Variants in PCDHGB1 observed in about 807,000 individuals in gnomAD.
PCDHGB1 encodes protocadherin gamma subfamily B, 1.
PCDHGB1 carries 34 observed loss-of-function variants against 56.6 expected under a neutral mutation model. The ratio of observed to expected loss-of-function variants is 0.60; its 90% CI spans 0.46 to 0.80. The LOEUF is 0.80. Among genes scored for constraint, PCDHGB1 ranks in the 30% least tolerant of loss-of-function variants. The pLI is 0.00. For synonymous variants in PCDHGB1, 561 were observed against 505.9 expected, an observed-to-expected ratio of 1.11 and a Z score of -1.46; for missense variants, 1,278 against 1,204.6, an observed-to-expected ratio of 1.06 and a Z score of -0.90.
chr5:141,494,894 C>A, intron 2 of PCDHGB1, 29 bp downstream of exon 2: 1 of 1,614,116 alleles, frequency 6.2e-7, no homozygotes, highest in South Asian at 1.1e-5. Flanking sequence ...AGCCCACCCT[C>A]TTCTCTGCGG....
chr5:141,388,793 T>C, intron 1 of PCDHGB1: 1 of 1,613,918 alleles, frequency 6.2e-7, no homozygotes, highest in South Asian at 1.1e-5. Flanking sequence ...CTGTTTTAAA[T>C]ACATTAGATT....
In PCDHGB1 at chr5:141,352,010, G is replaced by A. The variant is rs1485029787; in HGVS notation, c.1750G>A (p.Val584Met). ...ACGCGCCGCAGAGCCCGGCTACCTGGTGACCAAGGTGGTGGCGGTGGACGC... is the reference window on the plus strand; with the variant it reads ...ACGCGCCGCAGAGCCCGGCTACCTGATGACCAAGGTGGTGGCGGTGGACGC... Reference protein sequence around the residue: ...VPRAAEPGYLVTKVVAVDADS... With the variant: ...VPRAAEPGYLMTKVVAVDADS... The change falls in exon 1 of 4, where the codon GTG becomes ATG. Residue 584 changes from valine to methionine, a missense_variant. Val to Met is a conservative substitution (Grantham distance 21, BLOSUM62 1). Coordinates refer to ENST00000523390, the MANE Select transcript of PCDHGB1 (RefSeq NM_018922.3). 3 of 1,610,096 alleles carry A rather than the reference G, an allele frequency of 1.9e-6. No homozygotes were observed. The highest frequency in any genetic ancestry group is 2.7e-5 in the African/African-American group (2 of 74,886).
At chr5:141,481,656 A>G (rs1425280340) in intron 1 of PCDHGB1, among the ~76,000 whole-genome samples, 1 of 152,084 alleles carries the variant, frequency 6.6e-6, no homozygotes, top group Non-Finnish European at 1.5e-5. Context: ...CATCTCTACT[A>G]ATAATACAAA....
At chr5:141,364,185 C>G (rs2149854630) in intron 1 of PCDHGB1, 1 of 992,250 alleles carries the variant, frequency 1.0e-6, no homozygotes, top group East Asian at 2.8e-5. Flanking sequence ...TCCCTCCATA[C>G]TAAACACACA....
intron 1 of PCDHGB1, among the ~76,000 whole-genome samples, chr5:141,446,280 A>G (rs1011084291): frequency 2.6e-5 from 4 of 152,162 alleles, no homozygotes; most frequent in South Asian, 2.1e-4. Context: ...AATACAATGG[A>G]TAAATGGGGA....
chr5:141,490,103 C>T lies in PCDHGB1; in HGVS notation c.2410-4704C>T, dbSNP rs1012215533. ...TCTTTTGGAGACCACACATCTGAGG[C>T]AGTGCGGAACCTCTTTGGCCTAGAC... On this transcript the variant is annotated intron_variant, in intron 1 of 3. Coordinates refer to ENST00000523390, the MANE Select transcript of PCDHGB1 (RefSeq NM_018922.3). The surrounding 1 kb of genome is among the most constrained non-coding windows in gnomAD (Gnocchi z 5.4). The T allele has an allele frequency of 6.2e-7, 1 of 1,614,122 alleles. No homozygotes were observed. The highest frequency in any genetic ancestry group is 1.3e-5 in the African/African-American group (1 of 74,954).
chr5:141,483,472 T>C (rs1457039859), intron 1 of PCDHGB1, among the ~76,000 whole-genome samples: 2 of 152,076 alleles, frequency 1.3e-5, no homozygotes, highest in Non-Finnish European at 2.9e-5. Flanking sequence ...TGACATGATA[T>C]AGGAAGTGAG....
chr5:141,478,660 T>C, intron 1 of PCDHGB1: 2 of 1,551,848 alleles, frequency 1.3e-6, no homozygotes, highest in Non-Finnish European at 1.7e-6. Flanking sequence ...TGGTGATGCA[T>C]TCACACTTTC....
At position 141,477,386 on chromosome 5, in the gene PCDHGB1, A is replaced by C; in HGVS notation, c.2410-17421A>C. 1 of 1,614,116 alleles carries C rather than the reference A, an allele frequency of 6.2e-7. No homozygotes were observed. Among genetic ancestry groups the C allele is most frequent in the South Asian group, 1.1e-5 (1 of 91,080 alleles). On this transcript the variant is annotated intron_variant, in intron 1 of 3. Coordinates refer to ENST00000523390, the MANE Select transcript of PCDHGB1 (RefSeq NM_018922.3). The surrounding 1 kb of genome is among the most constrained non-coding windows in gnomAD (Gnocchi z 4.9). ...GGATCGGGAGACTGTGCCAGAATAC[A>C]ACCTCAGCATCACCGCCCGAGACGC...
chr5:141,385,483 A>T (rs981503954), intron 1 of PCDHGB1: 8 of 1,423,220 alleles, frequency 5.6e-6, no homozygotes, highest in Non-Finnish European at 7.3e-6. Context: ...TTAATATAGA[A>T]CACATAGGAT....
chr5:141,473,756 A>G (rs2099328139), intron 1 of PCDHGB1, among the ~76,000 whole-genome samples: 1 of 152,228 alleles, frequency 6.6e-6, no homozygotes, highest in African/African-American at 2.4e-5. Context: ...CTTGGATACT[A>G]TGCAAAGGAT....
chr5:141,357,661 T>C, intron 1 of PCDHGB1: 5 of 1,605,092 alleles, frequency 3.1e-6, no homozygotes, highest in Non-Finnish European at 4.3e-6. Flanking sequence ...CACTGAAATA[T>C]AGACAAAGAG....
rs534377172 is a variant in PCDHGB1 at position 141,352,119 on chromosome 5, G to A, written c.1859G>A (p.Gly620Asp). The A allele has an allele frequency of 2.3e-5, 37 of 1,609,336 alleles. No homozygotes were observed. The East Asian group carries it at 6.0e-4, about 26-fold the overall frequency. Residue 620 changes from glycine to aspartate, a missense_variant, in exon 1 of 4, where the codon GGT becomes GAT. Coordinates refer to ENST00000523390, the MANE Select transcript of PCDHGB1 (RefSeq NM_018922.3). ...PGLFSLGLRT[G>D]EVRTARALGD... ...CTCTTCAGCCTGGGGTTGCGCACGG[G>A]TGAGGTGCGCACAGCGCGTGCCTTG...
intron 1 of PCDHGB1, among the ~76,000 whole-genome samples, chr5:141,470,737 G>A (rs117064561): frequency 6.6e-6 from 1 of 152,016 alleles, no homozygotes; most frequent in African/African-American, 2.4e-5. Flanking sequence ...TTGCTCTGTC[G>A]CCCTGGCTGG....
intron 1 of PCDHGB1, chr5:141,398,765 C>T (rs2093700875): frequency 6.2e-7 from 1 of 1,613,944 alleles, no homozygotes. Flanking sequence ...TTAGTCCTGA[C>T]TGCCTTGGAC....
At chr5:141,384,295 C>G in intron 1 of PCDHGB1, 2 of 1,613,828 alleles carry the variant, frequency 1.2e-6, no homozygotes, top group South Asian at 2.2e-5. Context: ...TGAGAACAAC[C>G]CCAGAGGGGC....
In PCDHGB1 at chr5:141,355,154, C is replaced by G. The variant is rs1314885234; in HGVS notation, c.2409+2485C>G. On this transcript the variant is annotated intron_variant, in intron 1 of 3. Transcript: ENST00000523390. Reference sequence around the variant, plus strand: ...GAAGATCCTGGGGCTCCTCAGGCCTCGACAGAGGGAAAACCGAAGCACAGG... The same window carrying G: ...GAAGATCCTGGGGCTCCTCAGGCCTGGACAGAGGGAAAACCGAAGCACAGG... 11 of 1,551,788 alleles carry G rather than the reference C, an allele frequency of 7.1e-6. No individual in the cohort carries two copies. The Admixed American group carries it at 1.7e-4, about 25-fold the overall frequency.
At chr5:141,421,849 G>C in intron 1 of PCDHGB1, 4 of 1,613,766 alleles carry the variant, frequency 2.5e-6, no homozygotes, top group Non-Finnish European at 3.4e-6. Flanking sequence ...GAAAGAGGCT[G>C]CTCACCTGCT....
At chr5:141,417,787 T>C in intron 1 of PCDHGB1, 1 of 1,477,124 alleles carries the variant, frequency 6.8e-7, no homozygotes, top group Non-Finnish European at 9.0e-7. Flanking sequence ...CTGGGCCGAA[T>C]GCTCTTTTAG....
Sources: allele counts gnomAD v4.1 joint callset (sites outside exome capture counted in the v4.1 genomes callset), GRCh38; gene constraint gnomAD v4.1.1; non-coding constraint Gnocchi (gnomAD v3.1); transcripts MANE v1.5; gene names NCBI Gene and HGNC (gene_info 2026-07-23, HGNC 2026-07-21).